Variants in NEGR1 observed in about 807,000 individuals in gnomAD.
NEGR1 encodes the protein neuronal growth regulator 1.
Under a neutral mutation model 40.9 loss-of-function variants are expected in NEGR1, and 10 were observed. The observed-to-expected ratio is 0.24, with a 90% CI of 0.15 to 0.42. NEGR1 has a LOEUF of 0.42. Ranked by LOEUF, NEGR1 falls within the 10% of genes least tolerant of loss-of-function variation. NEGR1 has a pLI of 1.00. For synonymous variants in NEGR1, 185 were observed against 166.8 expected (o/e 1.11, Z -0.84); for missense variants, 352 against 438.9 (o/e 0.80, Z 1.77).
chr1:71,980,752 C>T (rs1200990770), intron 1 of NEGR1, among the ~76,000 whole-genome samples: 1 of 152,114 alleles, frequency 6.6e-6, no homozygotes, highest in East Asian at 1.9e-4. Context: ...CTCAAACTCT[C>T]TAGGTTGTGG....
chr1:71,522,807 C>T (rs189236040), intron 6 of NEGR1, among the ~76,000 whole-genome samples: 11 of 151,548 alleles, frequency 7.3e-5, no homozygotes, highest in African/African-American at 2.2e-4. Context: ...CAGACTCACA[C>T]GCTCCTATGT....
At chr1:72,170,289 T>A (rs1351092265) in intron 1 of NEGR1, among the ~76,000 whole-genome samples, 1 of 152,190 alleles carries the variant, frequency 6.6e-6, no homozygotes, top group East Asian at 1.9e-4. Context: ...TCAATGATAA[T>A]ATTTGAAGTT....
chr1:71,511,518 G>T (rs1426312162), intron 6 of NEGR1, among the ~76,000 whole-genome samples: 1 of 152,154 alleles, frequency 6.6e-6, no homozygotes, highest in East Asian at 1.9e-4. Flanking sequence ...TGCATCAGAG[G>T]CTCAACTGAA....
At chr1:71,749,988 C>CTTTTTTTTT (rs768011020) in intron 3 of NEGR1, among the ~76,000 whole-genome samples, 2 of 136,636 alleles carry the variant, frequency 1.5e-5, no homozygotes, top group African/African-American at 2.8e-5. Context: ...TTGCTCCTTT[C>CTTTTTTTTT]TTTTTTTTTT....
chr1:71,726,195 T>C (rs1654669751), intron 3 of NEGR1, among the ~76,000 whole-genome samples: 1 of 152,134 alleles, frequency 6.6e-6, no homozygotes, highest in Non-Finnish European at 1.5e-5. Flanking sequence ...ACCCAGACTC[T>C]AAGTAGTTCT....
intron 3 of NEGR1, among the ~76,000 whole-genome samples, chr1:71,728,967 A>G (rs1189141121): frequency 1.3e-5 from 2 of 152,114 alleles, no homozygotes; most frequent in Non-Finnish European, 2.9e-5. Flanking sequence ...CTACCATCCA[A>G]TTCTGACAGA....
intron 2 of NEGR1, among the ~76,000 whole-genome samples, chr1:71,895,042 A>C (rs982324298): frequency 6.6e-6 from 1 of 152,206 alleles, no homozygotes; most frequent in African/African-American, 2.4e-5. Context: ...CCATCGCATG[A>C]TTCTATTGTT....
chr1:72,238,459 AT>A (rs934307677), intron 1 of NEGR1, among the ~76,000 whole-genome samples: 2 of 151,698 alleles, frequency 1.3e-5, no homozygotes, highest in African/African-American at 2.4e-5. Flanking sequence ...GGCTTATGAC[AT>A]TTTTTTTAAA....
rs1035247167 is a variant in NEGR1, at chr1:71,811,802, T to C, written c.410-35505A>G. 1.3e-4 allele frequency among the ~76,000 whole-genome samples: 19 copies of C among 151,060 alleles called. 1 individual carries two copies. The highest frequency in any genetic ancestry group is 4.4e-4 in the African/African-American group (18 of 41,334). On this transcript the variant is annotated intron_variant, in intron 2 of 6. Transcript: ENST00000357731. ...AAAGAAATAAATTAATGAAAGAAAA[T>C]AATAGAGCCAGGATTCAAACCCAGG...
chr1:72,125,636 T>C (rs1416291265), intron 1 of NEGR1, among the ~76,000 whole-genome samples: 3 of 152,094 alleles, frequency 2.0e-5, no homozygotes, highest in African/African-American at 7.2e-5. Context: ...GCACAGATAG[T>C]GTATTAAATG....
At chr1:71,688,325 T>TATATATATATATAG (rs1475341609) in intron 4 of NEGR1, among the ~76,000 whole-genome samples, 3,790 of 102,954 alleles carry the variant, frequency 0.037, 252 homozygotes, top group East Asian at 0.058. Flanking sequence ...TATATATATA[T>TATATATATATATAG]ATAGATAGAT....
intron 6 of NEGR1, among the ~76,000 whole-genome samples, chr1:71,564,525 T>A (rs539985023): frequency 7.9e-5 from 12 of 152,252 alleles, no homozygotes; most frequent in Admixed American, 6.5e-4. Context: ...CAAAACCCAG[T>A]ACTTCCTTTA....
chr1:72,161,446 G>A (rs367888629), intron 1 of NEGR1, among the ~76,000 whole-genome samples: 1 of 151,984 alleles, frequency 6.6e-6, no homozygotes, highest in Admixed American at 6.6e-5. Context: ...AGGCATCGTT[G>A]ATTGCCATAA....
At chr1:71,711,663 A>C (rs1050383892) in intron 3 of NEGR1, among the ~76,000 whole-genome samples, 3 of 152,140 alleles carry the variant, frequency 2.0e-5, no homozygotes, top group Non-Finnish European at 4.4e-5. Flanking sequence ...ATAAAAACTT[A>C]AAATTTCAAC....
intron 1 of NEGR1, among the ~76,000 whole-genome samples, chr1:72,095,553 T>C (rs780310027): frequency 1.3e-5 from 2 of 152,154 alleles, no homozygotes; most frequent in African/African-American, 2.4e-5. Flanking sequence ...GTTTGGATCA[T>C]GTTATATTCT....
intron 1 of NEGR1, among the ~76,000 whole-genome samples, chr1:71,938,410 G>GTTTTTTTTTTTTTTTTTTTTTT: frequency 9.1e-6 from 1 of 109,894 alleles, no homozygotes; most frequent in Non-Finnish European, 1.9e-5. Context: ...ATGTGTAGGT[G>GTTTTTTTTTTTTTTTTTTTTTT]TTTTTTTTTT....
chr1:71,938,799 G>C (rs1344141858), intron 1 of NEGR1, among the ~76,000 whole-genome samples: 1 of 152,044 alleles, frequency 6.6e-6, no homozygotes, highest in Non-Finnish European at 1.5e-5. Flanking sequence ...ATGCAGAACA[G>C]GGAGTGAAAA....
intron 1 of NEGR1, among the ~76,000 whole-genome samples, chr1:72,277,815 G>A (rs2100567915): frequency 6.6e-6 from 1 of 152,182 alleles, no homozygotes; most frequent in East Asian, 1.9e-4. Context: ...GTATTTGGAA[G>A]GTATAATGCA....
chr1:72,005,247 A>C (rs1557479546), intron 1 of NEGR1, among the ~76,000 whole-genome samples: 1 of 151,970 alleles, frequency 6.6e-6, no homozygotes, highest in South Asian at 2.1e-4. Flanking sequence ...AGGGTGGGGG[A>C]GGCAAAATAA....
Sources: gnomAD v4.1 joint callset for allele counts (sites outside exome capture counted in the v4.1 genomes callset) on GRCh38, gnomAD v4.1.1 for gene constraint, MANE v1.5 for transcripts, NCBI Gene and HGNC (gene_info 2026-07-23, HGNC 2026-07-21) for gene names.